MYH7B: variants seen among roughly 807,000 people sequenced by gnomAD.
MYH7B encodes myosin-7B.
In MYH7B, 205 loss-of-function variants were observed where a neutral mutation model predicts 234.5. That is an observed-to-expected ratio of 0.87 (90% CI 0.78 to 0.98). MYH7B has a LOEUF of 0.98. Ranked by LOEUF, MYH7B falls within the 50% of genes least tolerant of loss-of-function variation. MYH7B has a pLI of 0.00. For missense variants in MYH7B, 2,652 were observed against 2,633.4 expected, an observed-to-expected ratio of 1.01 and a Z score of -0.15; for synonymous variants, 1,193 against 1,105.0, an observed-to-expected ratio of 1.08 and a Z score of -1.58.
At chr20:34,980,965 C>A in intron 8 of MYH7B, 68 bp from the exon 9 acceptor site, 5 of 1,605,848 alleles carry the variant, frequency 3.1e-6, no homozygotes, top group Non-Finnish European at 4.3e-6. Flanking sequence ...GATGGATACC[C>A]AGGGTGTTCC....
In MYH7B at chr20:34,987,147, A is replaced by G; in HGVS notation, c.1009-2A>G. ...GAACTCGCTTTCCCTGCTGCCCCCCAGCATGCCATGGACATCCTAGGCTTC... is the reference window on the plus strand; with the variant it reads ...GAACTCGCTTTCCCTGCTGCCCCCCGGCATGCCATGGACATCCTAGGCTTC... On this transcript the variant is annotated splice_acceptor_variant, in intron 15 of 44. Transcript: ENST00000262873. LOFTEE classifies it high-confidence loss of function. 6.2e-7 allele frequency: 1 copy of G among 1,613,318 alleles called. No homozygotes were observed. Among genetic ancestry groups the G allele is most frequent in the Non-Finnish European group, 8.5e-7 (1 of 1,179,826 alleles).
At chr20:34,998,039 G>A (rs898984641) in intron 32 of MYH7B, among the ~76,000 whole-genome samples, 1 of 152,066 alleles carries the variant, frequency 6.6e-6, no homozygotes, top group Non-Finnish European at 1.5e-5. Context: ...TTGTCCCCAG[G>A]TGACTCCGCA....
chr20:34,986,280 C>A, intron 14 of MYH7B, 82 bp downstream of exon 14: 2 of 1,103,978 alleles, frequency 1.8e-6, no homozygotes, highest in South Asian at 1.3e-5. Flanking sequence ...TCAGGCCAGG[C>A]CCTGGTGGTC....
chr20:34,983,995 T>A (rs6060141), intron 10 of MYH7B, among the ~76,000 whole-genome samples: 101 of 152,272 alleles, frequency 6.6e-4, no homozygotes, highest in Middle Eastern at 3.4e-3. Flanking sequence ...TCAATTCACT[T>A]AGTCCCCCTG....
chr20:34,965,285 G>A (rs1013611266), intron 2 of MYH7B, among the ~76,000 whole-genome samples: 2 of 152,230 alleles, frequency 1.3e-5, no homozygotes, highest in African/African-American at 4.8e-5. Flanking sequence ...GAACTCTTAG[G>A]CATCATGCTG....
At chr20:34,989,963 G>C in intron 20 of MYH7B, 44 bp downstream of exon 20, 1 of 1,612,942 alleles carries the variant, frequency 6.2e-7, no homozygotes, top group Non-Finnish European at 8.5e-7. Context: ...GGCTCCTCCC[G>C]CCCTGCTCCA....
exon 44 of MYH7B, chr20:35,001,992 G>C (rs1182345350): frequency 6.2e-7 from 1 of 1,614,036 alleles, no homozygotes; most frequent in Admixed American, 1.7e-5. Context: ...GCAAGGCCCA[G>C]CACGAGCTGG....
intron 28 of MYH7B, 119 bp from the exon 29 acceptor site, chr20:34,996,227 T>G: frequency 8.4e-7 from 1 of 1,183,656 alleles, no homozygotes. Context: ...AGGCTCGGAG[T>G]CAAGTGACTT....
chr20:34,997,539 A>G lies in MYH7B; in HGVS notation c.3646A>G (p.Ser1216Gly), dbSNP rs913178927. ...GGCGGAGCTGGGGGAGCAGGTGGAC[A>G]GCCTGCAGCGGGTGCGGCAGAAGCT... The change falls in exon 32 of 45, where the codon AGC (serine) becomes GGC (glycine). Residue 1216 changes from serine to glycine, a missense_variant. Ser to Gly is a moderately conservative substitution (Grantham distance 56). Coordinates refer to ENST00000262873, the Ensembl canonical transcript of MYH7B. The G allele has an allele frequency of 1.2e-6, 2 of 1,610,510 alleles. No homozygotes were observed. The highest frequency in any genetic ancestry group is 2.7e-5 in the African/African-American group (2 of 74,714).
chr20:34,987,196 C>A lies in MYH7B; in HGVS notation c.1056C>A (p.Cys352Ter). ...TCAGCGTGGATGAGAAATGTGCCTG[C>A]TATAAGATCGTGGGCGCCCTCCTGC... Residue 352 changes from cysteine (C) to a stop codon, truncating the protein, a stop_gained, in exon 16 of 45, where the codon TGC (cysteine) becomes TGA (stop). Transcript: ENST00000262873. LOFTEE classifies it high-confidence loss of function. 1.9e-6 allele frequency: 3 copies of A among 1,613,062 alleles called. No homozygotes were observed. The highest frequency in any genetic ancestry group is 2.5e-6 in the Non-Finnish European group (3 of 1,180,004).
chr20:34,980,668 C>T (rs1438233862), exon 8 of MYH7B: 7 of 1,614,104 alleles, frequency 4.3e-6, no homozygotes, highest in Non-Finnish European at 5.9e-6. Context: ...CAAGGGAAAG[C>T]GCCGCTCAGA....
chr20:34,986,791 G>A, intron 14 of MYH7B, 95 bp from the exon 15 acceptor site: 1 of 998,922 alleles, frequency 1.0e-6, no homozygotes, highest in Non-Finnish European at 1.6e-6. Context: ...CTCCTGCTGG[G>A]CTTGCCCCCG....
intron 28 of MYH7B, 30 bp downstream of exon 28, chr20:34,995,608 C>T: frequency 6.2e-7 from 1 of 1,609,734 alleles, no homozygotes; most frequent in East Asian, 2.2e-5. Context: ...TGGGGAAGGG[C>T]CCTGAGCCAG....
exon 38 of MYH7B, chr20:34,999,823 G>C: frequency 1.2e-6 from 2 of 1,610,708 alleles, no homozygotes; most frequent in Non-Finnish European, 1.7e-6. Flanking sequence ...CCAAGACGCT[G>C]CGGATCCAGC....
intron 10 of MYH7B, 110 bp downstream of exon 10, chr20:34,982,665 C>T (rs2147181454): frequency 2.1e-6 from 2 of 938,544 alleles, no homozygotes; most frequent in Non-Finnish European, 3.1e-6. Context: ...CTCCCCAGAA[C>T]CCTGAGCCCT....
At chr20:35,002,372 A>T in exon 45 of MYH7B, 1 of 562,632 alleles carries the variant, frequency 1.8e-6, no homozygotes, top group Non-Finnish European at 2.8e-6. Context: ...GGAAAAACAC[A>T]GTCCTAGGGA....
At chr20:34,980,792 C>G in intron 8 of MYH7B, 58 bp downstream of exon 8, 1 of 1,593,334 alleles carries the variant, frequency 6.3e-7, no homozygotes, top group Non-Finnish European at 8.6e-7. Context: ...CCCGGGAGGC[C>G]TCTGTAAGGG....
chr20:34,994,504 C>T (rs1048350920), intron 27 of MYH7B, 103 bp downstream of exon 27: 5 of 1,347,068 alleles, frequency 3.7e-6, no homozygotes, highest in Non-Finnish European at 5.0e-6. Context: ...GGCCTTATGT[C>T]TCTCTGTTCC....
At chr20:34,987,124 A>G (rs1255018281) in intron 15 of MYH7B, 25 bp from the exon 16 acceptor site, 2 of 1,612,616 alleles carry the variant, frequency 1.2e-6, no homozygotes, top group South Asian at 2.2e-5. Context: ...ACCTCTCTGA[A>G]CTCGCTTTCC....
Sources: allele counts gnomAD v4.1 joint callset (sites outside exome capture counted in the v4.1 genomes callset), GRCh38; gene constraint gnomAD v4.1.1; transcripts MANE v1.5; gene names NCBI Gene and HGNC (gene_info 2026-07-23, HGNC 2026-07-21).